The following PIK3R2 variants were observed in gnomAD, a reference collection of about 807,000 sequenced individuals.
The protein encoded by PIK3R2 is phosphoinositide-3-kinase regulatory subunit 2.
In PIK3R2, 40 loss-of-function variants were observed where a neutral mutation model predicts 78.5. That is an observed-to-expected ratio of 0.51 (90% CI 0.40 to 0.66). PIK3R2 has a LOEUF of 0.66. Ranked by LOEUF, PIK3R2 falls within the 30% of genes least tolerant of loss-of-function variation. The pLI, the probability that PIK3R2 is intolerant of heterozygous loss-of-function variation, is 0.00. For missense variants in PIK3R2, 880 were observed against 1,026.6 expected (o/e 0.86, Z 1.95); for synonymous variants, 473 against 457.7 (o/e 1.03, Z -0.43).
At chr19:18,155,376 A>G (rs1054687438) in intron 1 of PIK3R2, 81 bp from the exon 2 acceptor site, 2 of 359,448 alleles carry the variant, frequency 5.6e-6, no homozygotes, top group Non-Finnish European at 9.9e-6. Flanking sequence ...AGGGAATTCC[A>G]AATCAGGATT....
At position 18,169,483 on chromosome 19, in the gene PIK3R2, C is replaced by T. The variant is rs1372397657; in HGVS notation, c.*189C>T. The T allele has an allele frequency of 8.5e-6, 3 of 354,514 alleles. No individual in the cohort carries two copies. In the Admixed American group the frequency reaches 1.5e-4, roughly 17 times the overall value. The allele number at this position is 354,514 out of a possible 1,614,324, so 22.0% of individuals were successfully genotyped here. A position where few individuals can be genotyped will look rare whatever the true frequency, so the allele number is the denominator to read the frequency against. ...CCCCATTCTCCAGATCTCCCTCTGT[C>T]TCCTTTTCTCTGTCTTTCTTGGCCC... On this transcript the variant is annotated 3_prime_UTR_variant, in exon 16 of 16. Coordinates refer to ENST00000222254, the MANE Select transcript of PIK3R2 (RefSeq NM_005027.4).
At chr19:18,153,979 C>G (rs2043650508) in intron 1 of PIK3R2, among the ~76,000 whole-genome samples, 1 of 152,216 alleles carries the variant, frequency 6.6e-6, no homozygotes, top group Non-Finnish European at 1.5e-5. Flanking sequence ...TCGGACACCT[C>G]TTGGGGTTCC....
At chr19:18,159,661 T>C (rs1439964021) in intron 2 of PIK3R2, among the ~76,000 whole-genome samples, 1 of 151,838 alleles carries the variant, frequency 6.6e-6, no homozygotes, top group Non-Finnish European at 1.5e-5. Flanking sequence ...GCCAGGCTGG[T>C]CTTGAACTCT....
In PIK3R2 at chr19:18,169,289, C is replaced by T. The variant is rs2147961020; in HGVS notation, c.2182C>T (p.Arg728Cys). The T allele has an allele frequency of 3.4e-6, 5 of 1,485,502 alleles. No homozygotes were observed. The South Asian group carries it at 5.2e-5, about 15-fold the overall frequency. 92.0% of individuals were successfully genotyped at this position (1,485,502 alleles called of 1,614,324 possible). Residue 728 changes from arginine to cysteine, a missense_variant, in exon 16 of 16, where the codon CGC becomes TGC. Physicochemically the swap from Arg to Cys is radical, Grantham distance 180. Transcript: ENST00000222254. ...APGPGPPPAA[R>C] is the part of the protein sequence containing the mutation. ...GGGCCCCGGCCCGCCGCCTGCCGCC[C>T]GCTGAGCACCGAGGACCCGCCCCAA...
At position 18,161,737 on chromosome 19, in the gene PIK3R2, G is replaced by A. The variant is rs1250605106; in HGVS notation, c.816-229G>A. ...TGCACCTTCCCTTCTGCTCGTCGCA[G>A]CTCCGGTACTGGTCTCTCGCTCGCC... On this transcript the variant is annotated intron_variant, in intron 6 of 15. Transcript: ENST00000222254. This position sits in a 1 kb window ranked among gnomAD's most constrained non-coding sequence, Gnocchi z 5.3. Among the ~76,000 whole-genome samples the A allele has an allele frequency of 6.6e-6, 1 of 152,198 alleles. No homozygotes were observed. The highest frequency in any genetic ancestry group is 2.4e-5 in the African/African-American group (1 of 41,454).
intron 9 of PIK3R2, chr19:18,162,751 A>G (rs2043763757): frequency 3.3e-6 from 2 of 601,460 alleles, no homozygotes; most frequent in Admixed American, 3.0e-5. Context: ...TTAGCCAGGC[A>G]TGGTGATGGA....
At chr19:18,166,016 G>A in intron 11 of PIK3R2, 144 bp from the exon 12 acceptor site, 1 of 1,014,394 alleles carries the variant, frequency 9.9e-7, no homozygotes. Context: ...GAGTTCATTT[G>A]GTGCAGCAGG....
rs983457263 is a variant in PIK3R2, at chr19:18,170,071, G to T, written c.*777G>T. 9.7e-5 allele frequency: 16 copies of T among 164,490 alleles called. No homozygotes were observed. Among genetic ancestry groups the T allele is most frequent in the Non-Finnish European group, 2.7e-5 (2 of 75,014 alleles). The allele number at this position is 164,490 out of a possible 1,614,324, so 10.2% of individuals were successfully genotyped here. ...TAAAATACAAAAATTAGCCGGGCGTGGTGGCGGCCGCCTGTAATCCCAGCT... is the reference window on the plus strand; with the variant it reads ...TAAAATACAAAAATTAGCCGGGCGTTGTGGCGGCCGCCTGTAATCCCAGCT... On this transcript the variant is annotated 3_prime_UTR_variant, in exon 16 of 16. Coordinates refer to ENST00000222254, the MANE Select transcript of PIK3R2 (RefSeq NM_005027.4).
rs1346440719 is a variant in PIK3R2 at position 18,156,498 on chromosome 19, C to T, written c.322+297C>T. Among the ~76,000 whole-genome samples the T allele has an allele frequency of 6.6e-6, 1 of 152,060 alleles. No individual in the cohort carries two copies. The highest frequency in any genetic ancestry group is 1.9e-4 in the East Asian group (1 of 5,186). On this transcript the variant is annotated intron_variant, in intron 2 of 15. Transcript: ENST00000222254. This position sits in a 1 kb window ranked among gnomAD's most constrained non-coding sequence, Gnocchi z 4.2. Reference sequence around the variant, plus strand: ...CTCAAGGCAGTGGGGGCAGCGAGGGCAGAGGCTGTGGAGTAGAACTCTAAT... The same window carrying T: ...CTCAAGGCAGTGGGGGCAGCGAGGGTAGAGGCTGTGGAGTAGAACTCTAAT...
At chr19:18,162,763 G>T in intron 9 of PIK3R2, 2 of 605,068 alleles carry the variant, frequency 3.3e-6, no homozygotes, top group South Asian at 4.1e-5. Flanking sequence ...GGTGATGGAT[G>T]CCTGTAATCC....
In PIK3R2 at chr19:18,161,200, T is replaced by C. The variant is rs1212861481; in HGVS notation, c.598+15T>C. 1.2e-5 allele frequency: 19 copies of C among 1,540,634 alleles called. No individual in the cohort carries two copies. Among genetic ancestry groups the C allele is most frequent in the Non-Finnish European group, 3.5e-6 (4 of 1,143,404 alleles). On this transcript the variant is annotated intron_variant, in intron 5 of 15. Coordinates refer to ENST00000222254, the MANE Select transcript of PIK3R2 (RefSeq NM_005027.4). The surrounding 1 kb of genome is among the most constrained non-coding windows in gnomAD (Gnocchi z 5.3). ...GGCCCTGCGGGGTGAGCCTGGCGGGTAGCCCGGGGGAAGGAGGGGGCTGTA... is the reference window on the plus strand; with the variant it reads ...GGCCCTGCGGGGTGAGCCTGGCGGGCAGCCCGGGGGAAGGAGGGGGCTGTA...
intron 1 of PIK3R2, among the ~76,000 whole-genome samples, chr19:18,154,586 A>T (rs1204573344): frequency 6.6e-6 from 1 of 152,094 alleles, no homozygotes; most frequent in Non-Finnish European, 1.5e-5. Context: ...TGGAGCTCCC[A>T]AAGCACCCGG....
Position 18,161,883 on chromosome 19 carries a change from G to A in PIK3R2, c.816-83G>A. 1 of 1,148,156 alleles carries A rather than the reference G, an allele frequency of 8.7e-7. No individual in the cohort carries two copies. The highest frequency in any genetic ancestry group is 1.3e-6 in the Non-Finnish European group (1 of 761,694). The allele number at this position is 1,148,156 out of a possible 1,614,324, so 71.1% of individuals were successfully genotyped here. A position where few individuals can be genotyped will look rare whatever the true frequency, so the allele number is the denominator to read the frequency against. On this transcript the variant is annotated intron_variant, in intron 6 of 15. Coordinates refer to ENST00000222254, the MANE Select transcript of PIK3R2 (RefSeq NM_005027.4). The surrounding 1 kb of genome is among the most constrained non-coding windows in gnomAD (Gnocchi z 5.3). ...TACTGTCTCGTATATACCCCCAGGC[G>A]TGCAAGCGCACGCACAATCCTGTGC...
At chr19:18,166,358 C>A in intron 12 of PIK3R2, 56 bp downstream of exon 12, 2 of 1,479,938 alleles carry the variant, frequency 1.4e-6, no homozygotes, top group South Asian at 1.2e-5. Flanking sequence ...GCAGTACAAG[C>A]CAGGGAGGGA....
intron 2 of PIK3R2, among the ~76,000 whole-genome samples, chr19:18,157,817 GC>G (rs1408655996): frequency 1.3e-5 from 2 of 151,344 alleles, no homozygotes; most frequent in Non-Finnish European, 2.9e-5. Context: ...ACTCAGGGAG[GC>G]CCCGCAGGCC....
At chr19:18,160,755 C>A in intron 3 of PIK3R2, 164 bp from the exon 4 acceptor site, 1 of 932,786 alleles carries the variant, frequency 1.1e-6, no homozygotes. Flanking sequence ...ATGACCAGGC[C>A]ACTGCATGTG....
In PIK3R2 at chr19:18,169,131, C is replaced by CCGGCTT; in HGVS notation, c.2033_2038dup (p.Gly678_Phe679dup). 4 of 1,611,976 alleles carry CCGGCTT rather than the reference C, an allele frequency of 2.5e-6. No individual in the cohort carries two copies. The highest frequency in any genetic ancestry group is 3.4e-6 in the Non-Finnish European group (4 of 1,179,858). ...CACTGCGTCATCTACCGCACGGCCA[C>CCGGCTT]CGGCTTCGGCTTCGCGGAGCCCTAC... is the stretch of plus-strand genomic sequence containing the variant. On this transcript the variant is annotated inframe_insertion, in exon 16 of 16. Transcript: ENST00000222254.
chr19:18,161,492 A>C lies in PIK3R2; in HGVS notation c.812A>C (p.Asp271Ala). The change falls in exon 6 of 16, where the codon GAC becomes GCC. Residue 271 changes from aspartate to alanine, a missense_variant. Asp to Ala is a moderately radical substitution (Grantham distance 126). This residue lies in a region of PIK3R2 where 456 missense variants were observed against 486.6 expected (regional missense o/e 0.94). Transcript: ENST00000222254. The surrounding 1 kb of genome is among the most constrained non-coding windows in gnomAD (Gnocchi z 5.3). ...PSSPPPGGAP[D>A]GSEPSPDFPA... ...TCGCCGCCGCCAGGGGGCGCTCCCG[A>C]CGGGTGAGGGGCGGGGCGGAGCCGG... 9.6e-7 allele frequency: 1 copy of C among 1,038,632 alleles called. No homozygotes were observed. The highest frequency in any genetic ancestry group is 3.8e-4 in the Middle Eastern group (1 of 2,618). 64.3% of individuals were successfully genotyped at this position (1,038,632 alleles called of 1,614,324 possible). A position where few individuals can be genotyped will look rare whatever the true frequency, so the allele number is the denominator to read the frequency against.
chr19:18,166,074 C>T (rs779501402), intron 11 of PIK3R2, 86 bp from the exon 12 acceptor site: 9 of 1,531,782 alleles, frequency 5.9e-6, no homozygotes, highest in Admixed American at 3.3e-5. Context: ...GAGCAGTCTC[C>T]GTATCAGAGT....
Sources: allele counts gnomAD v4.1 joint callset (sites outside exome capture counted in the v4.1 genomes callset), GRCh38; gene constraint gnomAD v4.1.1; regional missense constraint gnomAD v4.1.1; non-coding constraint Gnocchi (gnomAD v3.1); transcripts MANE v1.5; gene names NCBI Gene and HGNC (gene_info 2026-07-23, HGNC 2026-07-21).